GALNT13: variants seen among roughly 807,000 people sequenced by gnomAD.
The protein encoded by GALNT13 is UDP-GalNAc:polypeptide N-acetylgalactosaminyltransferase 13.
In GALNT13, 28 loss-of-function variants were observed where a neutral mutation model predicts 64.2. The ratio of observed to expected loss-of-function variants is 0.44; its 90% CI spans 0.32 to 0.60. GALNT13 has a LOEUF of 0.60. Among genes scored for constraint, GALNT13 ranks in the 20% least tolerant of loss-of-function variants. The pLI is 0.05. For synonymous variants in GALNT13, 214 were observed against 224.6 expected (o/e 0.95, Z 0.42); for missense variants, 577 against 669.8 (o/e 0.86, Z 1.53).
chr2:154,195,323 T>C (rs1686819523), intron 4 of GALNT13, among the ~76,000 whole-genome samples: 2 of 152,160 alleles, frequency 1.3e-5, no homozygotes, highest in South Asian at 2.1e-4. Flanking sequence ...CAAGTTACAG[T>C]GCTATTAAAA....
rs1354698827 is a variant in GALNT13, at chr2:154,451,289, AAC to A, written c.*742_*743del. ...CTCAAAGTGGGTTGCAATCATTCCTAACACAGGCTGAAACTAAACAATCTTGC... is the reference window on the plus strand; with the variant it reads ...CTCAAAGTGGGTTGCAATCATTCCTAACAGGCTGAAACTAAACAATCTTGC... On this transcript the variant is annotated 3_prime_UTR_variant, in exon 13 of 13. Transcript: ENST00000392825. 6.6e-6 allele frequency: 1 copy of A among 152,088 alleles called. No homozygotes were observed. Among genetic ancestry groups the A allele is most frequent in the African/African-American group, 2.4e-5 (1 of 41,426 alleles). The allele number at this position is 152,088 out of a possible 1,614,324, so 9.4% of individuals were successfully genotyped here.
the GALNT13 span, among the ~76,000 whole-genome samples, chr2:153,766,540 C>A: frequency 6.6e-6 from 1 of 151,982 alleles, no homozygotes; most frequent in Non-Finnish European, 1.5e-5. Flanking sequence ...TCACAGACTT[C>A]CTTCATTCTT....
the GALNT13 span, among the ~76,000 whole-genome samples, chr2:153,537,977 A>T: frequency 1.3e-5 from 2 of 152,226 alleles, no homozygotes; most frequent in South Asian, 4.1e-4. Context: ...GCTGTTATAA[A>T]GGTAGCTGAA....
chr2:153,495,860 AG>A, the GALNT13 span, among the ~76,000 whole-genome samples: 1 of 152,202 alleles, frequency 6.6e-6, no homozygotes, highest in East Asian at 1.9e-4. Context: ...ACTTGAGAGG[AG>A]TAATGACCTT....
chr2:154,340,896 ATGAGTGTGTG>A (rs1374041219), intron 9 of GALNT13, among the ~76,000 whole-genome samples: 3 of 60,084 alleles, frequency 5.0e-5, no homozygotes, highest in African/African-American at 1.3e-4. Context: ...CTTTGTGTGT[ATGAGTGTGTG>A]TGTGTGTGTG....
the GALNT13 span, among the ~76,000 whole-genome samples, chr2:153,634,581 C>T: frequency 9.2e-5 from 12 of 129,886 alleles, no homozygotes; most frequent in Non-Finnish European, 1.3e-4. Flanking sequence ...GATGGAGTCT[C>T]GCTCTGTCAC....
chr2:153,643,563 A>T, the GALNT13 span, among the ~76,000 whole-genome samples: 1 of 151,836 alleles, frequency 6.6e-6, no homozygotes, highest in African/African-American at 2.4e-5. Context: ...AGTTAATCCA[A>T]TCTCCACAAA....
At chr2:154,283,223 T>A (rs80311192) in intron 8 of GALNT13, among the ~76,000 whole-genome samples, 4,355 of 152,232 alleles carry the variant, frequency 0.029, 219 homozygotes, top group African/African-American at 0.1. Context: ...GATTTTTTTT[T>A]ATTATTTTTG....
intron 4 of GALNT13, among the ~76,000 whole-genome samples, chr2:154,174,617 G>A (rs558404270): frequency 6.6e-6 from 1 of 152,220 alleles, no homozygotes; most frequent in East Asian, 1.9e-4. Flanking sequence ...GAGTTTTGGA[G>A]TGTTTGAGTT....
intron 3 of GALNT13, among the ~76,000 whole-genome samples, chr2:154,094,121 GT>G (rs1701957269): frequency 1.3e-5 from 2 of 151,960 alleles, no homozygotes; most frequent in Middle Eastern, 6.8e-3. Context: ...TGTTATTACT[GT>G]TTTTCCCAGG....
the GALNT13 span, among the ~76,000 whole-genome samples, chr2:153,081,282 G>C: frequency 6.6e-6 from 1 of 151,884 alleles, no homozygotes; most frequent in African/African-American, 2.4e-5. Context: ...GAGATGTTTT[G>C]ATACAGGTAT....
chr2:154,033,407 G>A (rs1434734965), intron 3 of GALNT13, among the ~76,000 whole-genome samples: 2 of 151,882 alleles, frequency 1.3e-5, no homozygotes, highest in African/African-American at 2.4e-5. Context: ...ATATTTTCAA[G>A]TCAATTAATT....
At chr2:154,138,310 G>T (rs1373687795) in intron 3 of GALNT13, among the ~76,000 whole-genome samples, 1 of 151,942 alleles carries the variant, frequency 6.6e-6, no homozygotes, top group Non-Finnish European at 1.5e-5. Context: ...CTATTAATCT[G>T]TATTATGCCA....
the GALNT13 span, among the ~76,000 whole-genome samples, chr2:153,524,835 C>T: frequency 2.0e-5 from 3 of 152,196 alleles, no homozygotes; most frequent in Admixed American, 6.5e-5. Flanking sequence ...GACTGTAACA[C>T]CTAGGCGAGT....
At chr2:153,444,964 A>G in the GALNT13 span, among the ~76,000 whole-genome samples, 1 of 152,212 alleles carries the variant, frequency 6.6e-6, no homozygotes. Context: ...ATTTAATGTT[A>G]TTAAAAACTA....
chr2:153,095,174 A>C, the GALNT13 span, among the ~76,000 whole-genome samples: 3 of 152,330 alleles, frequency 2.0e-5, no homozygotes, highest in African/African-American at 7.2e-5. Context: ...TTTACAAAGA[A>C]CTCCAACAAA....
At chr2:153,962,411 G>A (rs1218380813) in intron 3 of GALNT13, among the ~76,000 whole-genome samples, 1 of 152,094 alleles carries the variant, frequency 6.6e-6, no homozygotes, top group Non-Finnish European at 1.5e-5. Context: ...ATAAGATTGA[G>A]GAACTTTGAA....
the GALNT13 span, among the ~76,000 whole-genome samples, chr2:153,124,590 C>T: frequency 2.6e-5 from 4 of 152,284 alleles, no homozygotes; most frequent in African/African-American, 9.6e-5. Flanking sequence ...ACTGCAACCT[C>T]CACCTCCTGG....
At chr2:153,155,834 A>T in the GALNT13 span, among the ~76,000 whole-genome samples, 2 of 152,036 alleles carry the variant, frequency 1.3e-5, no homozygotes, top group Admixed American at 1.3e-4. Context: ...AGGTTGAAAA[A>T]TTTGACATTT....
Sources: allele counts gnomAD v4.1 joint callset (sites outside exome capture counted in the v4.1 genomes callset), GRCh38; gene constraint gnomAD v4.1.1; transcripts MANE v1.5; gene names NCBI Gene and HGNC (gene_info 2026-07-23, HGNC 2026-07-21).